ADGRG2: variants seen among roughly 807,000 people sequenced by gnomAD.
The protein encoded by ADGRG2 is G protein-coupled receptor 64.
In ADGRG2, 26 loss-of-function variants were observed where a neutral mutation model predicts 74.1. That is an observed-to-expected ratio of 0.35 (90% CI 0.26 to 0.49). ADGRG2 has a LOEUF of 0.49. Ranked by LOEUF, ADGRG2 falls within the 20% of genes least tolerant of loss-of-function variation. The pLI is 0.99. For synonymous variants in ADGRG2, 296 were observed against 295.2 expected (o/e 1.00, Z -0.03); for missense variants, 619 against 763.1 (o/e 0.81, Z 2.22).
At chrX:19,069,247 G>A (rs1484988757) in intron 2 of ADGRG2, among the ~76,000 whole-genome samples, 5 of 111,858 alleles carry the variant, frequency 4.5e-5, no homozygotes, top group Non-Finnish European at 7.5e-5. Flanking sequence ...AGCCCAGGCT[G>A]GAGTGCAATG....
intron 1 of ADGRG2, among the ~76,000 whole-genome samples, chrX:19,096,068 G>A (rs762044714): frequency 4.1e-4 from 45 of 110,756 alleles, no homozygotes; most frequent in African/African-American, 1.4e-3. Context: ...ATATAAAATG[G>A]AATATTTTAA....
chrX:19,118,031 T>C (rs950463350), intron 1 of ADGRG2, among the ~76,000 whole-genome samples: 19 of 110,519 alleles, frequency 1.7e-4, no homozygotes, highest in African/African-American at 6.2e-4. Flanking sequence ...AAAAGAAACA[T>C]CCTGAGGATA....
Position 18,998,983 on chromosome X carries a change from C to T in ADGRG2, c.2614+13G>A. The T allele has an allele frequency of 8.6e-7, 1 of 1,159,137 alleles. No individual in the cohort carries two copies. Among genetic ancestry groups the T allele is most frequent in the Non-Finnish European group, 1.2e-6 (1 of 855,253 alleles). On this transcript the variant is annotated intron_variant, in intron 26 of 28. Coordinates refer to ENST00000379869, the MANE Select transcript of ADGRG2 (RefSeq NM_001079858.3). ...GGGATCATTCAGTTTGTATTTGATG[C>T]TGTAAAGCTTACCTTGTAAGGTATT... is the stretch of plus-strand genomic sequence containing the variant.
At chrX:19,121,689 T>C (rs2062612338) in intron 1 of ADGRG2, among the ~76,000 whole-genome samples, 1 of 110,012 alleles carries the variant, frequency 9.1e-6, no homozygotes, top group South Asian at 4.1e-4. Flanking sequence ...CAGAATCTCA[T>C]TTTAACGGGA....
intron 14 of ADGRG2, among the ~76,000 whole-genome samples, chrX:19,020,039 T>C (rs779925096): frequency 1.3e-4 from 14 of 111,389 alleles, no homozygotes; most frequent in South Asian, 3.8e-4. Flanking sequence ...GTCAAACTCA[T>C]AGAAACAGAG....
At chrX:19,112,166 G>A (rs1308232182) in intron 1 of ADGRG2, among the ~76,000 whole-genome samples, 1 of 110,201 alleles carries the variant, frequency 9.1e-6, no homozygotes, top group Non-Finnish European at 1.9e-5. Context: ...CGATCTCCTG[G>A]GTTCAAGTGA....
At chrX:19,037,718 A>G (rs780382849) in intron 4 of ADGRG2, 82 bp from the exon 5 acceptor site, 115 of 716,875 alleles carry the variant, frequency 1.6e-4, no homozygotes, top group Non-Finnish European at 1.8e-4. Flanking sequence ...TTGAGATATA[A>G]TTACGAAAAG....
intron 28 of ADGRG2, among the ~76,000 whole-genome samples, 199 bp downstream of exon 28, chrX:18,994,697 C>G (rs1317906586): frequency 9.0e-6 from 1 of 111,690 alleles, no homozygotes; most frequent in Non-Finnish European, 1.9e-5. Context: ...CTTAAAAAAT[C>G]GTTGTTCCAG....
intron 1 of ADGRG2, among the ~76,000 whole-genome samples, chrX:19,115,255 T>A (rs188093545): frequency 9.0e-6 from 1 of 111,387 alleles, no homozygotes; most frequent in African/African-American, 3.3e-5. Context: ...GACACGTGGA[T>A]AAAGCACCTA....
At position 18,991,062 on chromosome X, in the gene ADGRG2, C is replaced by T; in HGVS notation, c.2870-14G>A. The T allele has an allele frequency of 1.8e-6, 2 of 1,089,293 alleles. No individual in the cohort carries two copies. The highest frequency in any genetic ancestry group is 1.8e-5 in the African/African-American group (1 of 54,961). 89.8% of individuals were successfully genotyped at this position (1,089,293 alleles called of 1,213,427 possible). A position where few individuals can be genotyped will look rare whatever the true frequency, so the allele number is the denominator to read the frequency against. ...TAGAAGCATTTCCTGTATAAGGAAA[C>T]ACAAAGCGGGTGGCATGAAGTATCC... On this transcript the variant is annotated splice_polypyrimidine_tract_variant and intron_variant, in intron 28 of 28. Transcript: ENST00000379869.
chrX:19,004,893 T>A lies in ADGRG2; in HGVS notation c.1840-14A>T, dbSNP rs561853919. 23 of 1,141,254 alleles carry A rather than the reference T, an allele frequency of 2.0e-5. 2 individuals are homozygous for A. The highest frequency in any genetic ancestry group is 8.9e-5 in the African/African-American group (5 of 55,881). The allele number at this position is 1,141,254 out of a possible 1,213,427, so 94.1% of individuals were successfully genotyped here. A position where few individuals can be genotyped will look rare whatever the true frequency, so the allele number is the denominator to read the frequency against. ...CCTAGATAGGTCCTGGAAAATGAAA[T>A]ATTGCTTTTAATAATCAAATATTTT... is the stretch of plus-strand genomic sequence containing the variant. On this transcript the variant is annotated splice_polypyrimidine_tract_variant and intron_variant, in intron 22 of 28. Transcript: ENST00000379869.
chrX:19,010,978 C>T (rs1311460914), intron 16 of ADGRG2, among the ~76,000 whole-genome samples, 200 bp from the exon 17 acceptor site: 2 of 111,889 alleles, frequency 1.8e-5, no homozygotes, highest in Non-Finnish European at 3.8e-5. Context: ...AGAAACAACC[C>T]GAATGTCCAT....
At chrX:19,049,212 G>A (rs1050623760) in intron 3 of ADGRG2, among the ~76,000 whole-genome samples, 11 of 111,941 alleles carry the variant, frequency 9.8e-5, no homozygotes, top group Admixed American at 1.9e-4. Context: ...TTCTCCGAGA[G>A]GCTGTTCCAG....
At chrX:19,008,530 G>A (rs2060284179) in intron 18 of ADGRG2, among the ~76,000 whole-genome samples, 1 of 110,757 alleles carries the variant, frequency 9.0e-6, no homozygotes, top group African/African-American at 3.3e-5. Context: ...GCCGGGTGTG[G>A]TGGCAGGCGC....
intron 11 of ADGRG2, among the ~76,000 whole-genome samples, chrX:19,026,621 G>A (rs771347286): frequency 2.7e-5 from 3 of 109,649 alleles, no homozygotes; most frequent in South Asian, 8.0e-4. Context: ...TCAGCCTCCC[G>A]AGTAGCTGGG....
At chrX:19,040,753 A>G (rs1251117598) in intron 3 of ADGRG2, among the ~76,000 whole-genome samples, 2 of 111,897 alleles carry the variant, frequency 1.8e-5, no homozygotes, top group Non-Finnish European at 3.8e-5. Flanking sequence ...TGAGTTATTT[A>G]TTTGGGGAAA....
At chrX:19,071,821 C>T (rs1386766405) in intron 2 of ADGRG2, among the ~76,000 whole-genome samples, 1 of 109,913 alleles carries the variant, frequency 9.1e-6, no homozygotes, top group Non-Finnish European at 1.9e-5. Flanking sequence ...CCTCCAAAAG[C>T]ACTGCTTTAA....
Position 18,990,757 on chromosome X carries a change from T to A in ADGRG2, c.*107A>T, listed in dbSNP as rs1363654903. On this transcript the variant is annotated 3_prime_UTR_variant, in exon 29 of 29. Transcript: ENST00000379869. ...AATTAGCTTATGCTTCTCCAGATGT[T>A]GCCGAGAATAAAATGAGTTGATTTT... 3.7e-6 allele frequency: 2 copies of A among 541,862 alleles called. No homozygotes were observed. Among genetic ancestry groups the A allele is most frequent in the Non-Finnish European group, 5.8e-6 (2 of 343,161 alleles). 44.7% of individuals were successfully genotyped at this position (541,862 alleles called of 1,213,427 possible). A position where few individuals can be genotyped will look rare whatever the true frequency, so the allele number is the denominator to read the frequency against.
At position 18,999,406 on chromosome X, in the gene ADGRG2, G is replaced by A; in HGVS notation, c.2331-127C>T. 5.4e-6 allele frequency: 3 copies of A among 551,145 alleles called. 1 individual carries two copies. In the South Asian group the frequency reaches 1.1e-4, roughly 20 times the overall value. The allele number at this position is 551,145 out of a possible 1,213,427, so 45.4% of individuals were successfully genotyped here. A position where few individuals can be genotyped will look rare whatever the true frequency, so the allele number is the denominator to read the frequency against. On this transcript the variant is annotated intron_variant, in intron 25 of 28. Coordinates refer to ENST00000379869, the MANE Select transcript of ADGRG2 (RefSeq NM_001079858.3). ...TCTACCAGTACAAGAGAAAAAAAAT[G>A]ATAAAACTGCTATTCTCTACAACCA...
Sources: gnomAD v4.1 joint callset for allele counts (sites outside exome capture counted in the v4.1 genomes callset) on GRCh38, gnomAD v4.1.1 for gene constraint, MANE v1.5 for transcripts, NCBI Gene and HGNC (gene_info 2026-07-23, HGNC 2026-07-21) for gene names.